The following LPAR1 variants were observed in gnomAD, a reference collection of about 807,000 sequenced individuals.
LPAR1 encodes LPA receptor 1.
LPAR1 carries 5 observed loss-of-function variants against 23.8 expected under a neutral mutation model. The ratio of observed to expected loss-of-function variants is 0.21; its 90% CI spans 0.11 to 0.44. The LOEUF (loss-of-function observed/expected upper bound fraction) is 0.44, where lower values mean the gene tolerates loss of function less well. Among genes scored for constraint, LPAR1 ranks in the 20% least tolerant of loss-of-function variants. The pLI is 0.99. For missense variants in LPAR1, 311 were observed against 482.8 expected, an observed-to-expected ratio of 0.64 and a Z score of 3.33; for synonymous variants, 160 against 164.7, an observed-to-expected ratio of 0.97 and a Z score of 0.22.
intron 5 of LPAR1, among the ~76,000 whole-genome samples, chr9:110,918,382 A>C (rs561730510): frequency 6.6e-6 from 1 of 152,316 alleles, no homozygotes; most frequent in East Asian, 1.9e-4. Context: ...TTTCATTTAT[A>C]TTTTAACAGT....
At chr9:110,900,688 G>A (rs1467290774) in intron 5 of LPAR1, among the ~76,000 whole-genome samples, 1 of 152,132 alleles carries the variant, frequency 6.6e-6, no homozygotes, top group East Asian at 1.9e-4. Context: ...CATTTTAAAT[G>A]CCCAACAAAT....
chr9:110,895,200 A>G (rs911600181), intron 5 of LPAR1, among the ~76,000 whole-genome samples: 1 of 152,220 alleles, frequency 6.6e-6, no homozygotes, highest in Admixed American at 6.5e-5. Context: ...TCAGCCTGCT[A>G]AAGTACCACA....
chr9:111,037,737 G>C (rs2141920082), intron 1 of LPAR1: 1 of 152,368 alleles, frequency 6.6e-6, no homozygotes, highest in Non-Finnish European at 1.5e-5. Flanking sequence ...CGAGGTTTTG[G>C]GAGAATTTCG....
At chr9:111,038,589 A>G (rs2097945198), upstream of LPAR1, 1 of 454,400 alleles carries the variant, frequency 2.2e-6, no homozygotes, top group African/African-American at 2.0e-5. This position sits in a 1 kb window ranked among gnomAD's most constrained non-coding sequence, Gnocchi z 4.4. Context: ...TCCACGTAGC[A>G]CAAGTCAGCA....
rs139210701 is a variant in LPAR1, at chr9:110,966,473, C to T, written c.45+5600G>A. 2.7e-3 allele frequency among the ~76,000 whole-genome samples: 388 copies of T among 142,006 alleles called. 2 individuals are homozygous for T. Among genetic ancestry groups the T allele is most frequent in the African/African-American group, 9.3e-3 (358 of 38,536 alleles). The allele number at this position is 142,006 out of a possible 152,430, so 93.2% of individuals were successfully genotyped here. A position where few individuals can be genotyped will look rare whatever the true frequency, so the allele number is the denominator to read the frequency against. On this transcript the variant is annotated intron_variant, in intron 4 of 5. Coordinates refer to ENST00000683809, the MANE Select transcript of LPAR1 (RefSeq NM_001351411.2). ...CAGCCTGGGCAACAGAGTGAGACTCCATCTCAAGAAAAAAAAAAAAAAAAC... is the reference window on the plus strand; with the variant it reads ...CAGCCTGGGCAACAGAGTGAGACTCTATCTCAAGAAAAAAAAAAAAAAAAC...
At position 110,875,928 on chromosome 9, in the gene LPAR1, G is replaced by A. The variant is rs1023986791; in HGVS notation, c.794-206C>T. 2.6e-5 allele frequency among the ~76,000 whole-genome samples: 4 copies of A among 152,196 alleles called. No homozygotes were observed. The South Asian group carries it at 8.3e-4, about 32-fold the overall frequency. ...GTCAACTTAAAATTTTATTTTGGAC[G>A]TTACTAAAATCAAGCAATTATGAGA... On this transcript the variant is annotated intron_variant, in intron 5 of 5. Coordinates refer to ENST00000683809, the MANE Select transcript of LPAR1 (RefSeq NM_001351411.2).
At chr9:110,888,958 G>A (rs372233827) in intron 5 of LPAR1, among the ~76,000 whole-genome samples, 2 of 152,210 alleles carry the variant, frequency 1.3e-5, no homozygotes, top group East Asian at 1.9e-4. Context: ...CATCGAGAGA[G>A]CAGGAAAGAA....
chr9:110,992,502 A>C (rs769942493), intron 2 of LPAR1, among the ~76,000 whole-genome samples: 1 of 152,208 alleles, frequency 6.6e-6, no homozygotes, highest in Non-Finnish European at 1.5e-5. Flanking sequence ...CCCAAGAGAA[A>C]ATAAAGTAGT....
intron 5 of LPAR1, among the ~76,000 whole-genome samples, chr9:110,902,414 G>C (rs1036405070): frequency 6.6e-6 from 1 of 152,054 alleles, no homozygotes; most frequent in East Asian, 1.9e-4. Context: ...CACGACATCT[G>C]ATGGGTTTAT....
At chr9:110,898,825 C>T (rs10116101) in intron 5 of LPAR1, among the ~76,000 whole-genome samples, 2,323 of 152,266 alleles carry the variant, frequency 0.015, 48 homozygotes, top group African/African-American at 0.053. Flanking sequence ...CTGTAAGATG[C>T]AGTATTCATA....
At chr9:110,883,807 C>T (rs1041321922) in intron 5 of LPAR1, among the ~76,000 whole-genome samples, 1 of 152,194 alleles carries the variant, frequency 6.6e-6, no homozygotes, top group Non-Finnish European at 1.5e-5. Flanking sequence ...TTTCCTGCAG[C>T]CCGCTGACTT....
chr9:111,023,516 G>GT lies in LPAR1; in HGVS notation c.-182+12605dup, dbSNP rs1194116920. ...ATGCAGAGTATTTATACATTTGGAT[G>GT]TTTTTTTTTTTGGTTCATATGCTCC... On this transcript the variant is annotated intron_variant, in intron 2 of 5. Transcript: ENST00000683809. 8.3e-3 allele frequency among the ~76,000 whole-genome samples: 1,213 copies of GT among 146,100 alleles called. 6 individuals are homozygous for GT. The highest frequency in any genetic ancestry group is 0.013 in the Non-Finnish European group (867 of 66,182).
chr9:110,995,390 A>G (rs2096978460), intron 2 of LPAR1, among the ~76,000 whole-genome samples: 1 of 152,166 alleles, frequency 6.6e-6, no homozygotes, highest in African/African-American at 2.4e-5. Flanking sequence ...GGGGAAGAAA[A>G]TAAGACCTGT....
chr9:110,987,931 C>T (rs922462651), intron 2 of LPAR1, among the ~76,000 whole-genome samples: 12 of 151,526 alleles, frequency 7.9e-5, no homozygotes, highest in Non-Finnish European at 7.4e-5. Flanking sequence ...AAGAAAAATG[C>T]ACAATCAAAT....
intron 4 of LPAR1, among the ~76,000 whole-genome samples, chr9:110,948,882 A>C (rs1279427094): frequency 1.3e-5 from 2 of 151,908 alleles, no homozygotes; most frequent in African/African-American, 4.8e-5. Flanking sequence ...GCAGTCTCTA[A>C]GATCTTCGTA....
At chr9:111,024,785 G>A (rs1490728000) in intron 2 of LPAR1, among the ~76,000 whole-genome samples, 3 of 151,760 alleles carry the variant, frequency 2.0e-5, no homozygotes, top group Non-Finnish European at 4.4e-5. Flanking sequence ...CCACTTATGA[G>A]TGAGAACATG....
rs924763176 is a variant in LPAR1, at chr9:110,873,677, A to T, written c.*1744T>A. On this transcript the variant is annotated 3_prime_UTR_variant, in exon 6 of 6. Coordinates refer to ENST00000683809, the MANE Select transcript of LPAR1 (RefSeq NM_001351411.2). ...ACATATTAAACAGGTATCACCTAAT[A>T]GGGTGGCAGCCTATCGGGGTGATTC... is the stretch of plus-strand genomic sequence containing the variant. 6.6e-6 allele frequency: 1 copy of T among 152,266 alleles called. No homozygotes were observed. Among genetic ancestry groups the T allele is most frequent in the African/African-American group, 2.4e-5 (1 of 41,472 alleles). 9.4% of individuals were successfully genotyped at this position (152,266 alleles called of 1,614,324 possible).
chr9:110,929,710 G>A (rs1004318941), intron 5 of LPAR1, among the ~76,000 whole-genome samples: 6 of 66,562 alleles, frequency 9.0e-5, no homozygotes, highest in Non-Finnish European at 2.4e-4. Flanking sequence ...GTGTGTGTGT[G>A]TGTGTGTGTG....
intron 4 of LPAR1, among the ~76,000 whole-genome samples, chr9:110,957,916 T>A (rs1588534091): frequency 6.6e-6 from 1 of 152,018 alleles, no homozygotes; most frequent in East Asian, 1.9e-4. Flanking sequence ...CAAAAATCAA[T>A]AGTGTTTTTA....
Sources: allele counts gnomAD v4.1 joint callset (sites outside exome capture counted in the v4.1 genomes callset), GRCh38; gene constraint gnomAD v4.1.1; non-coding constraint Gnocchi (gnomAD v3.1); transcripts MANE v1.5; gene names NCBI Gene and HGNC (gene_info 2026-07-23, HGNC 2026-07-21).